The following PCDHA9 variants were observed in gnomAD, a reference collection of about 807,000 sequenced individuals.
PCDHA9 encodes protocadherin alpha 9, also known as protocadherin alpha-9.
A neutral mutation model predicts 62.0 loss-of-function variants in PCDHA9; 62 were observed. The observed-to-expected ratio is 1.00, with a 90% CI of 0.81 to 1.23. The LOEUF is 1.23. PCDHA9 is among the 50% of genes most tolerant of loss of function. The pLI is 0.00. For missense variants in PCDHA9, 1,205 were observed against 1,249.8 expected, an observed-to-expected ratio of 0.96 and a Z score of 0.54; for synonymous variants, 557 against 567.6, an observed-to-expected ratio of 0.98 and a Z score of 0.27.
intron 3 of PCDHA9, among the ~76,000 whole-genome samples, chr5:141,005,795 C>G (rs2098239997): frequency 8.0e-6 from 1 of 124,778 alleles, no homozygotes; most frequent in Admixed American, 8.1e-5. Context: ...GAGGCAAAAA[C>G]AACTCCAAGG....
chr5:140,902,846 A>C (rs1119032), intron 1 of PCDHA9, among the ~76,000 whole-genome samples: 2 of 152,088 alleles, frequency 1.3e-5, no homozygotes, highest in African/African-American at 2.4e-5. Context: ...CTTCACTTAG[A>C]AAAATGGCGT....
At chr5:140,978,422 T>C (rs1554239303) in intron 1 of PCDHA9, among the ~76,000 whole-genome samples, 2 of 152,218 alleles carry the variant, frequency 1.3e-5, no homozygotes, top group Non-Finnish European at 2.9e-5. Flanking sequence ...AAGAGACTGT[T>C]ATCAGTTGCT....
intron 1 of PCDHA9, chr5:140,927,406 G>A (rs782729912): frequency 1.2e-6 from 2 of 1,614,210 alleles, no homozygotes; most frequent in Admixed American, 1.7e-5. Flanking sequence ...CTTTCGCCTG[G>A]ACATGGGATC....
chr5:140,976,679 G>A (rs1314378983), intron 1 of PCDHA9, among the ~76,000 whole-genome samples: 2 of 152,086 alleles, frequency 1.3e-5, no homozygotes, highest in African/African-American at 4.8e-5. Flanking sequence ...TCTCATTTTT[G>A]CAATTTAAGT....
chr5:140,988,204 AG>A (rs2097287084), intron 3 of PCDHA9, among the ~76,000 whole-genome samples: 1 of 152,100 alleles, frequency 6.6e-6, no homozygotes, highest in South Asian at 2.1e-4. Context: ...TATCCTTATT[AG>A]GAAAAAAAAA....
rs182361197 is a variant in PCDHA9, at chr5:140,979,956, T to G, written c.2453+949T>G. 2.0e-5 allele frequency among the ~76,000 whole-genome samples: 3 copies of G among 152,378 alleles called. No homozygotes were observed. In the East Asian group the frequency reaches 5.8e-4, roughly 29 times the overall value. ...GTGTAGAGTTAATGTGAAATTAGTT[T>G]TAGCCCATTAAAATGCATTAGATTG... On this transcript the variant is annotated intron_variant, in intron 2 of 3. Transcript: ENST00000532602.
At chr5:140,945,641 C>T (rs1253716354) in intron 1 of PCDHA9, among the ~76,000 whole-genome samples, 3 of 151,972 alleles carry the variant, frequency 2.0e-5, no homozygotes, top group Non-Finnish European at 2.9e-5. Context: ...GACATGTAGA[C>T]CAATGGAGCA....
intron 1 of PCDHA9, among the ~76,000 whole-genome samples, chr5:140,889,158 T>A (rs2062123549): frequency 6.6e-6 from 1 of 151,892 alleles, no homozygotes; most frequent in Non-Finnish European, 1.5e-5. Context: ...TCTTCTTTGT[T>A]AAGTATTCAA....
chr5:140,868,748 T>C (rs991826043), intron 1 of PCDHA9: 2 of 213,606 alleles, frequency 9.4e-6, no homozygotes, highest in Non-Finnish European at 1.9e-5. Context: ...ACAATGCCAT[T>C]TCCATATATA....
In PCDHA9 at chr5:140,862,844, C is replaced by T. The variant is rs782433146; in HGVS notation, c.2394+11955C>T. 8 of 571,262 alleles carry T rather than the reference C, an allele frequency of 1.4e-5. No homozygotes were observed. In the East Asian group the frequency reaches 3.8e-4, roughly 27 times the overall value. The allele number at this position is 571,262 out of a possible 1,614,324, so 35.4% of individuals were successfully genotyped here. ...AGAGCGCGCGACGCGGGCATGCCGC[C>T]TCTGAGCAGCAATGTGACGCTGCCA... is the stretch of plus-strand genomic sequence containing the variant. On this transcript the variant is annotated intron_variant, in intron 1 of 3. Coordinates refer to ENST00000532602, the MANE Select transcript of PCDHA9 (RefSeq NM_031857.2).
intron 1 of PCDHA9, chr5:140,869,435 A>G (rs1554163053): frequency 6.2e-7 from 1 of 1,614,208 alleles, no homozygotes; most frequent in Admixed American, 1.7e-5. Context: ...GTGATCGTGG[A>G]CAGGCCGCTG....
chr5:140,921,364 T>G (rs2080173595), intron 1 of PCDHA9, among the ~76,000 whole-genome samples: 1 of 152,196 alleles, frequency 6.6e-6, no homozygotes, highest in Non-Finnish European at 1.5e-5. Flanking sequence ...TATTCAAGTT[T>G]CATATTTCTA....
At chr5:140,975,160 T>G (rs2096656216) in intron 1 of PCDHA9, among the ~76,000 whole-genome samples, 1 of 152,194 alleles carries the variant, frequency 6.6e-6, no homozygotes, top group African/African-American at 2.4e-5. Flanking sequence ...CCTAGAGAAC[T>G]GAGGACTCAG....
rs565339027 is a variant in PCDHA9, at chr5:141,010,492, C to G, written c.*555C>G. ...AGGGGAAGTGTAAACTTAAAGGGAC[C>G]AGACTTTCTAAATCTTACAACTCAA... On this transcript the variant is annotated 3_prime_UTR_variant, in exon 4 of 4. Transcript: ENST00000532602. 28 of 628,626 alleles carry G rather than the reference C, an allele frequency of 4.5e-5. No homozygotes were observed. Among genetic ancestry groups the G allele is most frequent in the Admixed American group, 1.7e-4 (5 of 29,282 alleles). 38.9% of individuals were successfully genotyped at this position (628,626 alleles called of 1,614,324 possible).
intron 1 of PCDHA9, chr5:140,852,884 T>A (rs1486240342): frequency 6.4e-6 from 6 of 931,694 alleles, no homozygotes; most frequent in Non-Finnish European, 7.8e-6. Context: ...TCATAAAACG[T>A]ATTTTTTTTT....
At chr5:140,896,140 C>A (rs1415728420) in intron 1 of PCDHA9, among the ~76,000 whole-genome samples, 6 of 152,140 alleles carry the variant, frequency 3.9e-5, no homozygotes, top group Non-Finnish European at 7.4e-5. Flanking sequence ...ATCCAGTGCA[C>A]CATTGATGGG....
At chr5:140,858,742 T>A in intron 1 of PCDHA9, 1 of 467,252 alleles carries the variant, frequency 2.1e-6, no homozygotes, top group African/African-American at 2.0e-5. Flanking sequence ...ACTTTCATAA[T>A]CACTTTTCGT....
chr5:140,900,437 C>T (rs1284375985), intron 1 of PCDHA9, among the ~76,000 whole-genome samples: 4 of 152,148 alleles, frequency 2.6e-5, no homozygotes, highest in African/African-American at 9.7e-5. Flanking sequence ...GCCACCACGG[C>T]CGGCTAATTT....
intron 1 of PCDHA9, among the ~76,000 whole-genome samples, chr5:140,895,873 G>A (rs112324080): frequency 0.13 from 19,058 of 152,088 alleles, 1,272 homozygotes; most frequent in Middle Eastern, 0.19. Context: ...GTGCAATGGC[G>A]CGATCTCGGC....
Sources: allele counts gnomAD v4.1 joint callset (sites outside exome capture counted in the v4.1 genomes callset), GRCh38; gene constraint gnomAD v4.1.1; transcripts MANE v1.5; gene names NCBI Gene and HGNC (gene_info 2026-07-23, HGNC 2026-07-21).